CLEC1A: variants seen among roughly 807,000 people sequenced by gnomAD.
CLEC1A encodes C-type lectin-like receptor-1.
A neutral mutation model predicts 28.7 loss-of-function variants in CLEC1A; 34 were observed. That is an observed-to-expected ratio of 1.18 (90% confidence interval 0.90 to 1.57). The LOEUF (loss-of-function observed/expected upper bound fraction) is 1.57, where lower values mean the gene tolerates loss of function less well. Ranked by LOEUF, CLEC1A falls within the 40% of genes most tolerant of loss-of-function variation. The pLI is 0.00. For missense variants in CLEC1A, 385 were observed against 339.5 expected (o/e 1.13, Z -1.05); for synonymous variants, 116 against 121.0 (o/e 0.96, Z 0.27).
intron 2 of CLEC1A, among the ~76,000 whole-genome samples, chr12:10,086,959 A>G (rs952631553): frequency 5.3e-4 from 80 of 152,146 alleles, no homozygotes; most frequent in African/African-American, 1.8e-3. Context: ...CAATCTCAGG[A>G]CTTTGGAAGA....
intron 4 of CLEC1A, 97 bp from the exon 5 acceptor site, chr12:10,073,508 C>A: frequency 1.2e-6 from 1 of 808,424 alleles, no homozygotes; most frequent in African/African-American, 1.7e-5. Flanking sequence ...TCAAAGCACA[C>A]ACAAGTCCTG....
In CLEC1A at chr12:10,089,168, A is replaced by G; in HGVS notation, c.170T>C (p.Leu57Ser). 1 of 1,614,112 alleles carries G rather than the reference A, an allele frequency of 6.2e-7. No homozygotes were observed. The highest frequency in any genetic ancestry group is 8.5e-7 in the Non-Finnish European group (1 of 1,179,962). The change falls in exon 2 of 6, where the codon TTG becomes TCG. Residue 57 changes from leucine (L) to serine (S), a missense_variant. Leu to Ser is a moderately radical substitution (Grantham distance 145). Transcript: ENST00000315330. The stretch of plus-strand genomic sequence containing the variant: ...CAGCCCTATCAGCAGCACCAAGCAC[A>G]AAGTCAGCAGGGTCAGGGCCACTGG... ...WRPVALTLLTLCLVLLIGLAA... is the reference protein window; with the variant it reads ...WRPVALTLLTSCLVLLIGLAA...
chr12:10,090,320 C>T (rs1866588535), intron 1 of CLEC1A, among the ~76,000 whole-genome samples: 1 of 152,174 alleles, frequency 6.6e-6, no homozygotes, highest in African/African-American at 2.4e-5. Context: ...GGCGAGATCT[C>T]AGCTCACTGC....
Position 10,081,332 on chromosome 12 carries a change from T to G in CLEC1A, c.296A>C (p.Glu99Ala). The change falls in exon 3 of 6, where the codon GAG becomes GCG. Residue 99 changes from glutamate (E) to alanine (A), a missense_variant. Glu to Ala is a moderately radical substitution (Grantham distance 107, BLOSUM62 -1). Transcript: ENST00000315330. ...MEERLGNTSQ[E>A]LQSLQVQNIK... ...ATTCTGGACTTGAAGAGATTGCAAC[T>G]CTTGGGACGTATTTCCTAATCTTTC... The G allele has an allele frequency of 6.2e-7, 1 of 1,613,458 alleles. No individual in the cohort carries two copies. Among genetic ancestry groups the G allele is most frequent in the East Asian group, 2.2e-5 (1 of 44,840 alleles).
intron 3 of CLEC1A, 135 bp downstream of exon 3, chr12:10,081,102 G>A: frequency 1.5e-6 from 1 of 674,154 alleles, no homozygotes; most frequent in South Asian, 2.2e-5. Flanking sequence ...AACTGATCAT[G>A]ATCTTGAAGC....
intron 2 of CLEC1A, among the ~76,000 whole-genome samples, chr12:10,083,503 C>G (rs1350059310): frequency 5.3e-5 from 8 of 152,232 alleles, no homozygotes; most frequent in Non-Finnish European, 1.2e-4. Context: ...GAATCTCACT[C>G]TGTTGCCCAG....
chr12:10,071,597 A>C, intron 5 of CLEC1A, 84 bp from the exon 6 acceptor site: 1 of 1,145,774 alleles, frequency 8.7e-7, no homozygotes, highest in Non-Finnish European at 1.2e-6. Context: ...TAGAGTTATA[A>C]AATTATAGTC....
chr12:10,079,553 G>C (rs1249211305), intron 3 of CLEC1A, among the ~76,000 whole-genome samples: 1 of 152,072 alleles, frequency 6.6e-6, no homozygotes, highest in African/African-American at 2.4e-5. Context: ...CAGGTGCAAT[G>C]GCTCATGCCT....
At chr12:10,073,172 A>C (rs1866172836) in intron 5 of CLEC1A, 121 bp downstream of exon 5, 2 of 696,974 alleles carry the variant, frequency 2.9e-6, no homozygotes, top group Non-Finnish European at 5.1e-6. Flanking sequence ...TCCTGCAAAC[A>C]CAGTATCCAG....
At position 10,071,469 on chromosome 12, in the gene CLEC1A, C is replaced by T; in HGVS notation, c.707G>A (p.Cys236Tyr). 1.9e-6 allele frequency: 3 copies of T among 1,613,540 alleles called. No individual in the cohort carries two copies. Among genetic ancestry groups the T allele is most frequent in the Non-Finnish European group, 2.5e-6 (3 of 1,179,646 alleles). The change falls in exon 6 of 6, where the codon TGT becomes TAT. Residue 236 changes from cysteine to tyrosine, a missense_variant. Physicochemically the swap from Cys to Tyr is radical, Grantham distance 194. Coordinates refer to ENST00000315330, the MANE Select transcript of CLEC1A (RefSeq NM_016511.4). ...GATCATCCCATTAAGGATGGCCACA[C>T]AGTCTCTGCTTCTTGGGCTGGTGAC... ...IDVTSPRSRD[C>Y]VAILNGMIFS...
At chr12:10,073,625 CAT>C (rs1866188082) in intron 4 of CLEC1A, among the ~76,000 whole-genome samples, 1 of 152,204 alleles carries the variant, frequency 6.6e-6, no homozygotes, top group South Asian at 2.1e-4. Context: ...ATATGGAACA[CAT>C]GTCGATATTC....
chr12:10,086,402 T>TA (rs1219175609), intron 2 of CLEC1A, among the ~76,000 whole-genome samples: 2 of 142,748 alleles, frequency 1.4e-5, no homozygotes, highest in African/African-American at 2.6e-5. Context: ...ATAAATGAAA[T>TA]AAAAAACTGG....
At chr12:10,085,793 G>A (rs1422583509) in intron 2 of CLEC1A, among the ~76,000 whole-genome samples, 1 of 151,992 alleles carries the variant, frequency 6.6e-6, no homozygotes, top group Admixed American at 6.6e-5. Flanking sequence ...GAAGAAGAAA[G>A]AAAGAAACAG....
At chr12:10,094,021 A>C (rs1253571923) in intron 1 of CLEC1A, among the ~76,000 whole-genome samples, 1 of 152,132 alleles carries the variant, frequency 6.6e-6, no homozygotes, top group East Asian at 1.9e-4. Context: ...CTATTATTTG[A>C]AAAGAGTATA....
intron 1 of CLEC1A, among the ~76,000 whole-genome samples, chr12:10,098,458 G>T (rs1179216494): frequency 6.6e-6 from 1 of 152,080 alleles, no homozygotes; most frequent in Admixed American, 6.5e-5. Context: ...ATGCTACCAG[G>T]ATACTTAAAC....
chr12:10,096,407 T>C (rs1947776533), intron 1 of CLEC1A, among the ~76,000 whole-genome samples: 1 of 152,192 alleles, frequency 6.6e-6, no homozygotes, highest in African/African-American at 2.4e-5. Context: ...TCCTTATTTT[T>C]ACTATACTGC....
Position 10,089,225 on chromosome 12 carries a change from G to A in CLEC1A, c.116-3C>T. 1 of 1,612,870 alleles carries A rather than the reference G, an allele frequency of 6.2e-7. No individual in the cohort carries two copies. Among genetic ancestry groups the A allele is most frequent in the Non-Finnish European group, 8.5e-7 (1 of 1,178,950 alleles). Reference sequence around the variant, plus strand: ...CGTTGAAGAGGGAGCCCTGTGCTCTGCAGGGAACAGAAGAGAAAGCAGAGT... The same window carrying A: ...CGTTGAAGAGGGAGCCCTGTGCTCTACAGGGAACAGAAGAGAAAGCAGAGT... On this transcript the variant is annotated splice_polypyrimidine_tract_variant and splice_region_variant and intron_variant, in intron 1 of 5. Coordinates refer to ENST00000315330, the MANE Select transcript of CLEC1A (RefSeq NM_016511.4).
intron 3 of CLEC1A, among the ~76,000 whole-genome samples, chr12:10,078,247 A>ATCCTACTGTGAG (rs1866295217): frequency 6.6e-6 from 1 of 152,158 alleles, no homozygotes; most frequent in Non-Finnish European, 1.5e-5. Context: ...TCATCTGCTC[A>ATCCTACTGTGAG]AAATAGTAGC....
intron 2 of CLEC1A, among the ~76,000 whole-genome samples, chr12:10,083,776 AC>A (rs1292363561): frequency 6.6e-6 from 1 of 152,200 alleles, no homozygotes; most frequent in African/African-American, 2.4e-5. Context: ...TCCGGCCTAA[AC>A]AAATTTTAAA....
Sources: allele counts gnomAD v4.1 joint callset (sites outside exome capture counted in the v4.1 genomes callset), GRCh38; gene constraint gnomAD v4.1.1; transcripts MANE v1.5; gene names NCBI Gene and HGNC (gene_info 2026-07-23, HGNC 2026-07-21).